LINGO2: variants seen among roughly 807,000 people sequenced by gnomAD.
The protein encoded by LINGO2 is leucine rich repeat and Ig domain containing 2, also known as leucine-rich repeat and immunoglobulin-like domain-containing nogo receptor-interacting protein 2.
Under a neutral mutation model 30.6 loss-of-function variants are expected in LINGO2, and 14 were observed. That is an observed-to-expected ratio of 0.46 (90% CI 0.30 to 0.72). The LOEUF (loss-of-function observed/expected upper bound fraction) is 0.72, where lower values mean the gene tolerates loss of function less well. Ranked by LOEUF, LINGO2 falls within the 30% of genes least tolerant of loss-of-function variation. The pLI, the probability that LINGO2 is intolerant of heterozygous loss-of-function variation, is 0.07. For missense variants in LINGO2, 729 were observed against 751.7 expected (o/e 0.97, Z 0.35); for synonymous variants, 317 against 288.5 (o/e 1.10, Z -1.00).
chr9:28,224,833 A>T (rs930981401), intron 4 of LINGO2, among the ~76,000 whole-genome samples: 5 of 152,220 alleles, frequency 3.3e-5, no homozygotes, highest in African/African-American at 1.2e-4. Context: ...TGAGAAAACA[A>T]AAAAGAACAA....
At chr9:28,531,609 A>G (rs1821240646) in intron 1 of LINGO2, among the ~76,000 whole-genome samples, 2 of 152,190 alleles carry the variant, frequency 1.3e-5, no homozygotes, top group African/African-American at 2.4e-5. Flanking sequence ...CAGTCAAAAT[A>G]CTGATAAAAG....
chr9:28,672,299 T>A (rs992221612), upstream of LINGO2, among the ~76,000 whole-genome samples: 1 of 152,212 alleles, frequency 6.6e-6, no homozygotes, highest in East Asian at 1.9e-4. Context: ...TTCCTGAGAA[T>A]GCTTCAACTT....
At chr9:27,992,797 TAA>T (rs10568707) in intron 5 of LINGO2, among the ~76,000 whole-genome samples, 36,191 of 151,672 alleles carry the variant, frequency 0.24, 4,777 homozygotes, top group African/African-American at 0.37. Context: ...GAACATTAAC[TAA>T]AAGTAAATGG....
intron 1 of LINGO2, among the ~76,000 whole-genome samples, chr9:28,531,368 C>T (rs1231714034): frequency 6.6e-6 from 1 of 151,904 alleles, no homozygotes; most frequent in Non-Finnish European, 1.5e-5. Context: ...TCTTTTTCTC[C>T]CCAAGTTTCA....
chr9:28,035,478 T>A (rs1823884992), intron 4 of LINGO2, among the ~76,000 whole-genome samples: 1 of 152,214 alleles, frequency 6.6e-6, no homozygotes, highest in African/African-American at 2.4e-5. Context: ...CTACAGTATA[T>A]AATAGAATCC....
At chr9:28,418,904 T>A (rs1469638418) in intron 2 of LINGO2, among the ~76,000 whole-genome samples, 7 of 152,088 alleles carry the variant, frequency 4.6e-5, no homozygotes, top group Non-Finnish European at 1.0e-4. Flanking sequence ...ATATTTTTGA[T>A]TTCAACAAAT....
chr9:28,502,662 A>T (rs1297416183), intron 1 of LINGO2, among the ~76,000 whole-genome samples: 1 of 152,132 alleles, frequency 6.6e-6, no homozygotes, highest in Non-Finnish European at 1.5e-5. Flanking sequence ...TTTGTTATTC[A>T]GCAGTTTGGA....
the LINGO2 span, among the ~76,000 whole-genome samples, chr9:29,122,378 CA>C: frequency 1.7e-4 from 25 of 149,732 alleles, no homozygotes; most frequent in Non-Finnish European, 3.3e-4. Flanking sequence ...AGATCTTAGT[CA>C]AAAAAAAACA....
In LINGO2 at chr9:28,632,873, T is replaced by G. The variant is rs1459219638; in HGVS notation, c.-365+37327A>C. Among the ~76,000 whole-genome samples the G allele has an allele frequency of 1.9e-3, 189 of 100,490 alleles. 5 individuals are homozygous for G. The highest frequency in any genetic ancestry group is 0.013 in the South Asian group (42 of 3,138). 65.9% of individuals were successfully genotyped at this position (100,490 alleles called of 152,430 possible). The stretch of plus-strand genomic sequence containing the variant: ...TATATTTTTTATATATATATATATA[T>G]ATATATGTAGAGAGAGAGAGAGAGA... On this transcript the variant is annotated intron_variant, in intron 1 of 5. Coordinates refer to ENST00000379992, the Ensembl canonical transcript of LINGO2.
chr9:28,139,349 A>G (rs1365305581), intron 4 of LINGO2, among the ~76,000 whole-genome samples: 1 of 152,218 alleles, frequency 6.6e-6, no homozygotes, highest in Non-Finnish European at 1.5e-5. Context: ...TAGTGGATAC[A>G]TGTGCATGTG....
chr9:28,988,162 A>C, the LINGO2 span, among the ~76,000 whole-genome samples: 1 of 152,198 alleles, frequency 6.6e-6, no homozygotes, highest in Admixed American at 6.5e-5. Context: ...AATATAGTGT[A>C]TCTCTCCCTT....
intron 5 of LINGO2, among the ~76,000 whole-genome samples, chr9:28,006,199 C>A (rs1047497128): frequency 6.6e-6 from 1 of 151,990 alleles, no homozygotes; most frequent in African/African-American, 2.4e-5. Flanking sequence ...TTCTTGCAAA[C>A]ATTTATCAGT....
intron 4 of LINGO2, among the ~76,000 whole-genome samples, chr9:28,137,176 C>T (rs953056276): frequency 2.2e-5 from 3 of 133,646 alleles, no homozygotes; most frequent in Non-Finnish European, 4.7e-5. Context: ...TTTATATATT[C>T]ATACATATAT....
At chr9:28,615,288 AG>A (rs1826090420) in intron 1 of LINGO2, among the ~76,000 whole-genome samples, 1 of 152,196 alleles carries the variant, frequency 6.6e-6, no homozygotes, top group South Asian at 2.1e-4. Flanking sequence ...AATATGTTCA[AG>A]GTAATTTAAA....
chr9:28,147,373 G>A lies in LINGO2; in HGVS notation c.-86-134968C>T, dbSNP rs933695900. Among the ~76,000 whole-genome samples, 3 of 152,216 alleles carry A rather than the reference G, an allele frequency of 2.0e-5. No homozygotes were observed. Among genetic ancestry groups the A allele is most frequent in the African/African-American group, 4.8e-5 (2 of 41,462 alleles). On this transcript the variant is annotated intron_variant, in intron 4 of 5. Coordinates refer to ENST00000379992, the Ensembl canonical transcript of LINGO2. The surrounding 1 kb of genome is among the most constrained non-coding windows in gnomAD (Gnocchi z 4.7). ...AAGTGGAGACCCTGCCTGCCAGGGA[G>A]GCATGTGGTAAGAGGCGCATCCAGT...
intron 2 of LINGO2, among the ~76,000 whole-genome samples, chr9:28,461,757 G>A (rs1825089935): frequency 6.6e-6 from 1 of 152,030 alleles, no homozygotes; most frequent in Non-Finnish European, 1.5e-5. Flanking sequence ...AAAACATCAG[G>A]CTCCAAAGGC....
At chr9:28,010,240 T>A (rs1822487275) in intron 5 of LINGO2, among the ~76,000 whole-genome samples, 1 of 152,246 alleles carries the variant, frequency 6.6e-6, no homozygotes, top group Non-Finnish European at 1.5e-5. Flanking sequence ...AACATGTGTA[T>A]CTTAAAATTT....
At chr9:28,777,698 G>T in the LINGO2 span, among the ~76,000 whole-genome samples, 1 of 152,158 alleles carries the variant, frequency 6.6e-6, no homozygotes, top group Non-Finnish European at 1.5e-5. Flanking sequence ...CTAAGACAGA[G>T]AACAGAATAA....
intron 4 of LINGO2, among the ~76,000 whole-genome samples, chr9:28,093,804 C>T (rs982304853): frequency 6.6e-6 from 1 of 151,990 alleles, no homozygotes; most frequent in Non-Finnish European, 1.5e-5. Flanking sequence ...TAACCACACT[C>T]CGGGAAGACC....
Sources: allele counts gnomAD v4.1 joint callset (sites outside exome capture counted in the v4.1 genomes callset), GRCh38; gene constraint gnomAD v4.1.1; non-coding constraint Gnocchi (gnomAD v3.1); transcripts MANE v1.5; gene names NCBI Gene and HGNC (gene_info 2026-07-23, HGNC 2026-07-21).